Variants in GPC5 observed in about 807,000 individuals in gnomAD.
GPC5 encodes glypican 5.
Under a neutral mutation model 53.9 loss-of-function variants are expected in GPC5, and 47 were observed. That is an observed-to-expected ratio of 0.87 (90% CI 0.69 to 1.11). The LOEUF is 1.11. Among genes scored for constraint, GPC5 ranks in the 50% most tolerant of loss-of-function variants. The pLI is 0.00. For synonymous variants in GPC5, 286 were observed against 263.3 expected (o/e 1.09, Z -0.84); for missense variants, 748 against 713.1 (o/e 1.05, Z -0.56).
At chr13:92,397,735 C>A (rs1185346505) in intron 7 of GPC5, among the ~76,000 whole-genome samples, 2 of 152,090 alleles carry the variant, frequency 1.3e-5, no homozygotes, top group African/African-American at 4.8e-5. Context: ...CGACAGCTTA[C>A]AAGTTGTTTA....
chr13:92,140,784 A>C (rs1397562995), intron 6 of GPC5, among the ~76,000 whole-genome samples: 1 of 152,210 alleles, frequency 6.6e-6, no homozygotes, highest in African/African-American at 2.4e-5. Context: ...ATAAACTGTA[A>C]TGACACACGA....
intron 7 of GPC5, among the ~76,000 whole-genome samples, chr13:92,351,358 G>A (rs1229912644): frequency 2.0e-5 from 3 of 151,376 alleles, no homozygotes; most frequent in Non-Finnish European, 4.4e-5. Flanking sequence ...TATCAGAATC[G>A]ATTTCTACTT....
At chr13:91,481,195 G>A (rs1463512378) in intron 2 of GPC5, among the ~76,000 whole-genome samples, 3 of 152,022 alleles carry the variant, frequency 2.0e-5, no homozygotes, top group Non-Finnish European at 4.4e-5. Flanking sequence ...ATGAGAAATG[G>A]GACATCGTTA....
rs538085363 is a variant in GPC5 at position 91,445,376 on chromosome 13, A to G, written c.164-3385A>G. On this transcript the variant is annotated intron_variant, in intron 1 of 7. Transcript: ENST00000377067. ...CATAGACAGCGGAGATCTCCTGGAC[A>G]AAGGGGTGATCGACACCCCAGGTGG... Among the ~76,000 whole-genome samples, 14 of 152,346 alleles carry G rather than the reference A, an allele frequency of 9.2e-5. No homozygotes were observed. In the East Asian group the frequency reaches 1.9e-3, roughly 21 times the overall value.
intron 6 of GPC5, among the ~76,000 whole-genome samples, chr13:91,973,672 T>G (rs1313646963): frequency 6.6e-6 from 1 of 152,186 alleles, no homozygotes; most frequent in African/African-American, 2.4e-5. Flanking sequence ...TGTTTGTTAG[T>G]TTTCCTTCTA....
chr13:91,975,821 C>T (rs1286077667), intron 6 of GPC5, among the ~76,000 whole-genome samples: 4 of 152,152 alleles, frequency 2.6e-5, no homozygotes, highest in African/African-American at 2.4e-5. Flanking sequence ...CACATGCACA[C>T]ATATGTTTAT....
intron 3 of GPC5, among the ~76,000 whole-genome samples, chr13:91,712,374 ATG>A (rs2036245512): frequency 6.6e-6 from 1 of 151,310 alleles, no homozygotes; most frequent in Admixed American, 6.6e-5. Flanking sequence ...GTGTATATAT[ATG>A]TGTGTATATA....
intron 7 of GPC5, among the ~76,000 whole-genome samples, chr13:92,820,512 C>T (rs1051631986): frequency 6.6e-6 from 1 of 152,078 alleles, no homozygotes; most frequent in Non-Finnish European, 1.5e-5. Flanking sequence ...CACTCTTAAA[C>T]TCCTTTAGTT....
At chr13:92,507,304 T>C (rs1880407669) in intron 7 of GPC5, among the ~76,000 whole-genome samples, 1 of 152,242 alleles carries the variant, frequency 6.6e-6, no homozygotes, top group Admixed American at 6.5e-5. Context: ...TTTACATTTT[T>C]ACTTTTTTCT....
chr13:91,516,962 C>T (rs1278556601), intron 2 of GPC5, among the ~76,000 whole-genome samples: 1 of 152,150 alleles, frequency 6.6e-6, no homozygotes, highest in Admixed American at 6.5e-5. Flanking sequence ...AGCTAGGACA[C>T]AGGGCACTAA....
chr13:91,438,497 T>G (rs890136498), intron 1 of GPC5, among the ~76,000 whole-genome samples: 3 of 152,182 alleles, frequency 2.0e-5, no homozygotes, highest in African/African-American at 7.2e-5. Flanking sequence ...ACAGCAAATG[T>G]TGCTGCCTGA....
intron 7 of GPC5, among the ~76,000 whole-genome samples, chr13:92,390,716 G>A (rs1306421035): frequency 1.3e-5 from 2 of 151,954 alleles, no homozygotes; most frequent in African/African-American, 4.8e-5. Context: ...ATGTATGTGT[G>A]TGGCCAAAAA....
At chr13:92,224,173 C>T (rs1303245985) in intron 7 of GPC5, among the ~76,000 whole-genome samples, 1 of 151,978 alleles carries the variant, frequency 6.6e-6, no homozygotes, top group East Asian at 1.9e-4. Flanking sequence ...TAAAGAAAAG[C>T]TAATACAAAA....
intron 7 of GPC5, among the ~76,000 whole-genome samples, chr13:92,717,963 C>T (rs1388711160): frequency 6.6e-6 from 1 of 151,918 alleles, no homozygotes; most frequent in Non-Finnish European, 1.5e-5. Flanking sequence ...GAAAGACATA[C>T]CAATGGCAGA....
chr13:91,435,420 C>T (rs901994710), intron 1 of GPC5, among the ~76,000 whole-genome samples: 2 of 152,116 alleles, frequency 1.3e-5, no homozygotes, highest in African/African-American at 4.8e-5. Flanking sequence ...TGTCAAAGAC[C>T]TTTTCTGCAT....
chr13:91,976,858 G>A (rs1043613514), intron 6 of GPC5, among the ~76,000 whole-genome samples: 5 of 151,990 alleles, frequency 3.3e-5, no homozygotes, highest in Non-Finnish European at 7.4e-5. Context: ...TGGCCAACAT[G>A]GTGAAACCCC....
At chr13:92,079,059 CT>C (rs1055647371) in intron 6 of GPC5, among the ~76,000 whole-genome samples, 4 of 151,434 alleles carry the variant, frequency 2.6e-5, no homozygotes, top group Admixed American at 6.6e-5. Context: ...TTTAATTTTT[CT>C]TTTTTTTCGA....
At chr13:92,804,657 G>C (rs190434206) in intron 7 of GPC5, among the ~76,000 whole-genome samples, 1 of 152,018 alleles carries the variant, frequency 6.6e-6, no homozygotes, top group Non-Finnish European at 1.5e-5. Context: ...TGGATTGGCT[G>C]TGGCAATTTC....
chr13:91,708,420 T>TC (rs1459752740), intron 3 of GPC5, among the ~76,000 whole-genome samples: 3 of 139,522 alleles, frequency 2.2e-5, no homozygotes, highest in African/African-American at 9.4e-5. Context: ...AAGAAGTCAG[T>TC]CCAAAAGACC....
Sources: gnomAD v4.1 joint callset for allele counts (sites outside exome capture counted in the v4.1 genomes callset) on GRCh38, gnomAD v4.1.1 for gene constraint, MANE v1.5 for transcripts, NCBI Gene and HGNC (gene_info 2026-07-23, HGNC 2026-07-21) for gene names.